NRXN1: variants seen among roughly 807,000 people sequenced by gnomAD.
NRXN1 encodes the protein neurexin-1.
Under a neutral mutation model 150.9 loss-of-function variants are expected in NRXN1, and 39 were observed. The observed-to-expected ratio is 0.26, with a 90% CI of 0.20 to 0.34. The LOEUF is 0.34. Ranked by LOEUF, NRXN1 falls within the 10% of genes least tolerant of loss-of-function variation. The pLI, the probability that NRXN1 is intolerant of heterozygous loss-of-function variation, is 1.00. For synonymous variants in NRXN1, 924 were observed against 757.0 expected, an observed-to-expected ratio of 1.22 and a Z score of -3.62; for missense variants, 1,815 against 1,949.9, an observed-to-expected ratio of 0.93 and a Z score of 1.30.
At chr2:50,140,345 C>G (rs1707088333) in intron 18 of NRXN1, among the ~76,000 whole-genome samples, 1 of 152,076 alleles carries the variant, frequency 6.6e-6, no homozygotes, top group South Asian at 2.1e-4. Context: ...TTTTCAGAAC[C>G]TGACCATGTT....
At chr2:50,220,697 T>C (rs977536512) in intron 18 of NRXN1, among the ~76,000 whole-genome samples, 2 of 152,066 alleles carry the variant, frequency 1.3e-5, no homozygotes, top group African/African-American at 2.4e-5. Flanking sequence ...TACCAAAATA[T>C]ATTAGCTAGA....
chr2:50,639,967 T>G (rs1683826273), intron 5 of NRXN1, among the ~76,000 whole-genome samples: 1 of 152,200 alleles, frequency 6.6e-6, no homozygotes, highest in African/African-American at 2.4e-5. Context: ...CTATATCATT[T>G]TGTAATAAAA....
intron 17 of NRXN1, among the ~76,000 whole-genome samples, chr2:50,436,244 G>A (rs1016891234): frequency 1.3e-5 from 2 of 151,980 alleles, no homozygotes; most frequent in Admixed American, 6.6e-5. Context: ...ACCAGAGGTC[G>A]GGAGTTCGAC....
chr2:50,829,679 C>T (rs1352968711), intron 5 of NRXN1: 34 of 1,610,190 alleles, frequency 2.1e-5, no homozygotes, highest in East Asian at 4.5e-5. Context: ...GCTGACACAG[C>T]GGAGCGCCGC....
intron 8 of NRXN1, among the ~76,000 whole-genome samples, chr2:50,583,362 TA>T (rs1246858189): frequency 6.6e-6 from 1 of 152,102 alleles, no homozygotes; most frequent in Admixed American, 6.6e-5. Context: ...TTAACCTGAT[TA>T]ACCTACTCAC....
intron 15 of NRXN1, among the ~76,000 whole-genome samples, chr2:50,493,343 A>T: frequency 6.6e-6 from 1 of 152,086 alleles, no homozygotes; most frequent in East Asian, 1.9e-4. Context: ...CCCTTCAAAT[A>T]TCCCTCAAAC....
intron 18 of NRXN1, among the ~76,000 whole-genome samples, chr2:50,094,767 G>GAAAAAAAAAAAAAAA (rs10632264): frequency 7.6e-6 from 1 of 131,476 alleles, no homozygotes. Flanking sequence ...GAAAAGAAAA[G>GAAAAAAAAAAAAAAA]AAAAAAAAAA....
intron 19 of NRXN1, among the ~76,000 whole-genome samples, chr2:50,069,640 TATA>T (rs1292175674): frequency 6.6e-6 from 1 of 152,096 alleles, no homozygotes; most frequent in Non-Finnish European, 1.5e-5. Flanking sequence ...TGGAGATCTT[TATA>T]ATTAAGCCAT....
At chr2:50,144,553 G>A (rs1707735282) in intron 18 of NRXN1, among the ~76,000 whole-genome samples, 1 of 151,686 alleles carries the variant, frequency 6.6e-6, no homozygotes, top group Non-Finnish European at 1.5e-5. Context: ...GGGGGAAACT[G>A]GGCATATTTG....
intron 18 of NRXN1, 92 bp downstream of exon 18, chr2:50,236,697 G>C: frequency 8.9e-7 from 1 of 1,125,016 alleles, no homozygotes; most frequent in Non-Finnish European, 1.3e-6. Context: ...GGTTTCTGGG[G>C]GAAGGAAGCA....
intron 21 of NRXN1, among the ~76,000 whole-genome samples, chr2:50,002,334 T>C (rs991999816): frequency 6.6e-6 from 1 of 152,182 alleles, no homozygotes; most frequent in Non-Finnish European, 1.5e-5. Context: ...TGCTCTGTCT[T>C]AGTTTCAGGC....
chr2:50,614,095 T>A (rs1381603719), intron 8 of NRXN1, among the ~76,000 whole-genome samples: 4 of 151,982 alleles, frequency 2.6e-5, no homozygotes, highest in African/African-American at 4.8e-5. Context: ...TATGGGAAGG[T>A]CAATGTAAGT....
At chr2:50,615,686 T>A (rs1013504477) in intron 8 of NRXN1, 1 of 152,146 alleles carries the variant, frequency 6.6e-6, no homozygotes, top group Admixed American at 6.6e-5. Flanking sequence ...ACCTGAAGAA[T>A]TAACTGTAAG....
At chr2:50,629,032 T>C (rs553832074) in intron 5 of NRXN1, among the ~76,000 whole-genome samples, 2 of 151,852 alleles carry the variant, frequency 1.3e-5, no homozygotes, top group East Asian at 1.9e-4. Context: ...TCATACATTA[T>C]TGGTAGGAAC....
At chr2:50,584,448 T>C (rs934245541) in intron 8 of NRXN1, among the ~76,000 whole-genome samples, 1 of 152,244 alleles carries the variant, frequency 6.6e-6, no homozygotes, top group Non-Finnish European at 1.5e-5. Context: ...ACTGTGGTCA[T>C]TGAAAAAGTT....
At chr2:50,117,997 C>A (rs75946685) in intron 18 of NRXN1, among the ~76,000 whole-genome samples, 1 of 152,000 alleles carries the variant, frequency 6.6e-6, no homozygotes. Context: ...TAAATAAAGA[C>A]CTAGGTTTTC....
chr2:50,398,837 T>C lies in NRXN1; in HGVS notation c.3364+66605A>G, dbSNP rs538337377. Among the ~76,000 whole-genome samples, 4 of 152,286 alleles carry C rather than the reference T, an allele frequency of 2.6e-5. No homozygotes were observed. In the East Asian group the frequency reaches 5.8e-4, roughly 22 times the overall value. On this transcript the variant is annotated intron_variant, in intron 17 of 22. Coordinates refer to ENST00000401669, the MANE Select transcript of NRXN1 (RefSeq NM_001330078.2). ...GCTTGGTAGTACAAAAGTGGTATGC[T>C]ATTTAATTATCAGCCAGTAGTGGGG...
At chr2:50,298,326 C>A (rs1045258121) in intron 17 of NRXN1, among the ~76,000 whole-genome samples, 2 of 152,070 alleles carry the variant, frequency 1.3e-5, no homozygotes, top group African/African-American at 2.4e-5. Flanking sequence ...CTTTTACTCT[C>A]TTTTAGACTT....
intron 17 of NRXN1, among the ~76,000 whole-genome samples, chr2:50,443,509 A>T (rs1230001932): frequency 6.6e-6 from 1 of 152,158 alleles, no homozygotes; most frequent in Non-Finnish European, 1.5e-5. Context: ...TAACTAAGTG[A>T]TGTCATGTTA....
Sources: allele counts gnomAD v4.1 joint callset (sites outside exome capture counted in the v4.1 genomes callset), GRCh38; gene constraint gnomAD v4.1.1; transcripts MANE v1.5; gene names NCBI Gene and HGNC (gene_info 2026-07-23, HGNC 2026-07-21).